Variants in WDR72 observed in about 807,000 individuals in gnomAD.
WDR72 encodes the protein WD repeat-containing protein 72.
A neutral mutation model predicts 124.2 loss-of-function variants in WDR72; 120 were observed. The ratio of observed to expected loss-of-function variants is 0.97; its 90% confidence interval spans 0.83 to 1.12. The LOEUF is 1.12. Among genes scored for constraint, WDR72 ranks in the 50% most tolerant of loss-of-function variants. The pLI is 0.00. For synonymous variants in WDR72, 452 were observed against 441.7 expected (o/e 1.02, Z -0.29); for missense variants, 1,387 against 1,278.8 (o/e 1.08, Z -1.29).
intron 11 of WDR72, among the ~76,000 whole-genome samples, chr15:53,703,552 G>A (rs2017249456): frequency 6.6e-6 from 1 of 151,734 alleles, no homozygotes; most frequent in African/African-American, 2.4e-5. Context: ...CTTCGGACAA[G>A]ACTGTTGTGT....
intron 18 of WDR72, among the ~76,000 whole-genome samples, 180 bp from the exon 19 acceptor site, chr15:53,523,502 T>G (rs1033709384): frequency 6.6e-6 from 1 of 152,080 alleles, no homozygotes; most frequent in African/African-American, 2.4e-5. Flanking sequence ...AGACATGTAA[T>G]TAGTTGAAAA....
chr15:53,746,290 G>A (rs1189958628), intron 1 of WDR72, among the ~76,000 whole-genome samples: 1 of 152,020 alleles, frequency 6.6e-6, no homozygotes, highest in Non-Finnish European at 1.5e-5. Flanking sequence ...GGTGTCTACT[G>A]GACACTGGAA....
At position 53,631,607 on chromosome 15, in the gene WDR72, A is replaced by G. The variant is rs189231109; in HGVS notation, c.1963-15364T>C. Among the ~76,000 whole-genome samples, 3 of 152,344 alleles carry G rather than the reference A, an allele frequency of 2.0e-5. No individual in the cohort carries two copies. The East Asian group carries it at 5.8e-4, about 29-fold the overall frequency. On this transcript the variant is annotated intron_variant, in intron 14 of 19. Coordinates refer to ENST00000360509, the MANE Select transcript of WDR72 (RefSeq NM_182758.4). ...TTTAGAATTTCCCAGAAATTGTTAAATGTTTGTGACCAAAATGCTGACAGT... is the reference window on the plus strand; with the variant it reads ...TTTAGAATTTCCCAGAAATTGTTAAGTGTTTGTGACCAAAATGCTGACAGT...
intron 1 of WDR72, among the ~76,000 whole-genome samples, chr15:53,737,152 T>C (rs190125219): frequency 3.3e-5 from 5 of 152,176 alleles, no homozygotes; most frequent in Non-Finnish European, 7.4e-5. Context: ...GGAATCAGGT[T>C]TTATTGGGAA....
intron 9 of WDR72, among the ~76,000 whole-genome samples, chr15:53,708,978 G>A (rs1290595305): frequency 6.6e-6 from 1 of 152,144 alleles, no homozygotes; most frequent in Non-Finnish European, 1.5e-5. Context: ...ATGTACATGG[G>A]CATTACAAAC....
chr15:53,613,822 CA>C, intron 15 of WDR72, 65 bp from the exon 16 acceptor site: 1 of 1,127,888 alleles, frequency 8.9e-7, no homozygotes. Flanking sequence ...GGAAATAAAT[CA>C]AAGATATGGG....
At chr15:53,573,141 CA>C (rs749492674) in intron 18 of WDR72, among the ~76,000 whole-genome samples, 2 of 152,146 alleles carry the variant, frequency 1.3e-5, no homozygotes, top group Non-Finnish European at 2.9e-5. Context: ...TTGTCACATT[CA>C]AACTTCTAGT....
chr15:53,606,876 A>C (rs1032869296), intron 17 of WDR72, among the ~76,000 whole-genome samples: 1 of 152,178 alleles, frequency 6.6e-6, no homozygotes, highest in African/African-American at 2.4e-5. Flanking sequence ...CTGGGGAAAA[A>C]ATCACATGCA....
upstream of WDR72, among the ~76,000 whole-genome samples, chr15:53,761,492 A>G (rs554913276): frequency 6.6e-6 from 1 of 152,206 alleles, no homozygotes; most frequent in South Asian, 2.1e-4. Context: ...AAAAGAAATC[A>G]ATATATCCAA....
chr15:53,712,863 G>A lies in WDR72; in HGVS notation c.620C>T (p.Ser207Phe). 6.2e-7 allele frequency: 1 copy of A among 1,613,720 alleles called. No individual in the cohort carries two copies. The part of the protein sequence containing the change: ...QEKQDVYEKE[S>F]KFLESLNCQT... ...GCAGTTCAAGGACTCAAGAAACTTG[G>A]ATTCTTTTTCATAGACATCTTGCTT... is the stretch of plus-strand genomic sequence containing the variant. Residue 207 changes from serine to phenylalanine, a missense_variant, in exon 7 of 20, where the codon TCC becomes TTC. Transcript: ENST00000360509.
chr15:53,749,854 T>A (rs2018732943), intron 1 of WDR72, among the ~76,000 whole-genome samples: 1 of 152,116 alleles, frequency 6.6e-6, no homozygotes, highest in Admixed American at 6.6e-5. Context: ...CAAACACTAA[T>A]CCGGAGCAGC....
intron 1 of WDR72, among the ~76,000 whole-genome samples, chr15:53,733,462 A>T (rs1444847970): frequency 6.6e-6 from 1 of 152,146 alleles, no homozygotes; most frequent in South Asian, 2.1e-4. Flanking sequence ...GCTACATCCA[A>T]CTTGCTGCAA....
chr15:53,735,757 T>G (rs1170000943), intron 1 of WDR72, among the ~76,000 whole-genome samples: 3 of 152,042 alleles, frequency 2.0e-5, no homozygotes, highest in Non-Finnish European at 2.9e-5. Flanking sequence ...GAAAGATTAG[T>G]ACCCCAGGAA....
intron 13 of WDR72, among the ~76,000 whole-genome samples, chr15:53,674,078 G>T (rs112786776): frequency 3.0e-4 from 46 of 152,272 alleles, no homozygotes; most frequent in Middle Eastern, 3.4e-3. Context: ...AATGAACAAA[G>T]CTTAATAGCA....
chr15:53,713,413 A>ATTTTATTTTATTTTG (rs1555427176), intron 6 of WDR72, among the ~76,000 whole-genome samples: 6 of 112,526 alleles, frequency 5.3e-5, no homozygotes, highest in Non-Finnish European at 5.4e-5. Context: ...ATTTTGTTGT[A>ATTTTATTTTATTTTG]TTTTATTTTA....
chr15:53,569,676 G>C (rs1033490129), intron 18 of WDR72, among the ~76,000 whole-genome samples: 5 of 152,062 alleles, frequency 3.3e-5, no homozygotes, highest in Admixed American at 2.6e-4. Context: ...TGTCTTTAAA[G>C]AGGTATAGTT....
At chr15:53,720,145 T>A (rs1293587774) in intron 3 of WDR72, among the ~76,000 whole-genome samples, 1 of 152,194 alleles carries the variant, frequency 6.6e-6, no homozygotes, top group Non-Finnish European at 1.5e-5. Context: ...ATTTTTTTAA[T>A]TAAAAGTTAC....
intron 17 of WDR72, among the ~76,000 whole-genome samples, chr15:53,600,688 A>G (rs1316637996): frequency 6.6e-6 from 1 of 152,154 alleles, no homozygotes; most frequent in Non-Finnish European, 1.5e-5. Context: ...TCCAGTGTCT[A>G]GTTTTTTTGT....
At chr15:53,686,188 A>C (rs1336611100) in intron 13 of WDR72, among the ~76,000 whole-genome samples, 5 of 149,118 alleles carry the variant, frequency 3.4e-5, no homozygotes, top group African/African-American at 5.0e-5. Flanking sequence ...TCATAATGAC[A>C]GGATCAAATT....
Sources: gnomAD v4.1 joint callset for allele counts (sites outside exome capture counted in the v4.1 genomes callset) on GRCh38, gnomAD v4.1.1 for gene constraint, MANE v1.5 for transcripts, NCBI Gene and HGNC (gene_info 2026-07-23, HGNC 2026-07-21) for gene names.